AKAP6: variants seen among roughly 807,000 people sequenced by gnomAD.
AKAP6 encodes the protein A-kinase anchoring protein 6, also known as A-kinase anchor protein 6.
A neutral mutation model predicts 188.5 loss-of-function variants in AKAP6; 58 were observed. That is an observed-to-expected ratio of 0.31 (90% CI 0.25 to 0.38). The LOEUF is 0.38. AKAP6 is among the 10% of genes least tolerant of loss of function. The probability of loss-of-function intolerance (pLI) is 1.00; values close to 1 mark genes in which losing one functional copy is unlikely to be tolerated. For synonymous variants in AKAP6, 989 were observed against 998.6 expected, an observed-to-expected ratio of 0.99 and a Z score of 0.18; for missense variants, 2,710 against 2,740.0, an observed-to-expected ratio of 0.99 and a Z score of 0.24.
intron 11 of AKAP6, among the ~76,000 whole-genome samples, chr14:32,768,749 GT>G (rs2032794254): frequency 6.6e-6 from 1 of 152,074 alleles, no homozygotes; most frequent in African/African-American, 2.4e-5. Flanking sequence ...GTAGACTAGT[GT>G]TCTCAAACTT....
At chr14:32,332,752 G>A (rs1193536892) in intron 1 of AKAP6, among the ~76,000 whole-genome samples, 1 of 152,102 alleles carries the variant, frequency 6.6e-6, no homozygotes, top group East Asian at 1.9e-4. Flanking sequence ...TCTGGAAAGT[G>A]TAATCTGAAT....
At chr14:32,380,303 G>A (rs577987038) in intron 1 of AKAP6, among the ~76,000 whole-genome samples, 6 of 152,220 alleles carry the variant, frequency 3.9e-5, no homozygotes, top group South Asian at 4.1e-4. Context: ...CCGGCCCCCC[G>A]TTCTTTCCTT....
chr14:32,472,027 TG>T (rs1878810718), intron 2 of AKAP6, among the ~76,000 whole-genome samples: 1 of 152,196 alleles, frequency 6.6e-6, no homozygotes, highest in African/African-American at 2.4e-5. Context: ...TGTCATAGTT[TG>T]GGTTCCCAGG....
chr14:32,787,313 G>A (rs75556800), intron 12 of AKAP6, among the ~76,000 whole-genome samples: 2,605 of 152,260 alleles, frequency 0.017, 71 homozygotes, highest in African/African-American at 0.059. Flanking sequence ...TTAATCTGAC[G>A]AATGATTTCA....
chr14:32,360,451 A>G (rs1887620892), intron 1 of AKAP6, among the ~76,000 whole-genome samples: 1 of 152,036 alleles, frequency 6.6e-6, no homozygotes, highest in Admixed American at 6.6e-5. Flanking sequence ...TAAAAATTTT[A>G]CCCATTGATT....
chr14:32,493,486 C>T (rs1410504552), intron 2 of AKAP6, among the ~76,000 whole-genome samples: 2 of 152,134 alleles, frequency 1.3e-5, no homozygotes, highest in African/African-American at 4.8e-5. Context: ...GCTTGGATTA[C>T]AGGTGTGAGC....
At chr14:32,360,462 G>T (rs1488513966) in intron 1 of AKAP6, among the ~76,000 whole-genome samples, 1 of 152,182 alleles carries the variant, frequency 6.6e-6, no homozygotes, top group East Asian at 1.9e-4. Context: ...CCCATTGATT[G>T]TAGCATTCAT....
intron 12 of AKAP6, among the ~76,000 whole-genome samples, chr14:32,811,287 AT>A (rs1304011730): frequency 6.6e-6 from 1 of 151,250 alleles, no homozygotes; most frequent in Non-Finnish European, 1.5e-5. Flanking sequence ...AATGTGTGCC[AT>A]TTTTGGTCAT....
At chr14:32,381,912 G>C (rs1888375355) in intron 1 of AKAP6, among the ~76,000 whole-genome samples, 1 of 151,986 alleles carries the variant, frequency 6.6e-6, no homozygotes, top group African/African-American at 2.4e-5. Flanking sequence ...CAGGTCCAAA[G>C]TACTACTCAC....
At chr14:32,658,042 T>C (rs1386932630) in intron 7 of AKAP6, among the ~76,000 whole-genome samples, 1 of 152,120 alleles carries the variant, frequency 6.6e-6, no homozygotes, top group Admixed American at 6.6e-5. Context: ...GTAGATTGTT[T>C]TAAAAATGAA....
At chr14:32,607,086 G>A (rs2139370494) in intron 7 of AKAP6, among the ~76,000 whole-genome samples, 1 of 152,272 alleles carries the variant, frequency 6.6e-6, no homozygotes, top group South Asian at 2.1e-4. Flanking sequence ...TTTAACTGAA[G>A]GGGTATAAAG....
intron 1 of AKAP6, among the ~76,000 whole-genome samples, chr14:32,381,233 G>A (rs192874671): frequency 3.3e-5 from 5 of 152,112 alleles, no homozygotes; most frequent in East Asian, 3.9e-4. Flanking sequence ...CCAGCTACTC[G>A]GGAGGCTAAG....
chr14:32,368,952 G>T (rs942365566), intron 1 of AKAP6, among the ~76,000 whole-genome samples: 1 of 152,016 alleles, frequency 6.6e-6, no homozygotes, highest in East Asian at 1.9e-4. Flanking sequence ...AGTGTTAAGT[G>T]GGGGAGTGAT....
intron 10 of AKAP6, 115 bp downstream of exon 10, chr14:32,732,715 T>C (rs889734002): frequency 2.5e-6 from 3 of 1,208,046 alleles, no homozygotes; most frequent in Non-Finnish European, 3.6e-6. Context: ...ATTCACTACC[T>C]ACGTTTCAAA....
chr14:32,555,790 T>C (rs1353363249), intron 4 of AKAP6, among the ~76,000 whole-genome samples: 2 of 152,220 alleles, frequency 1.3e-5, no homozygotes, highest in Non-Finnish European at 2.9e-5. Context: ...TTTTTAGGGC[T>C]GAATAATATT....
Position 32,756,224 on chromosome 14 carries a change from G to A in AKAP6, c.3373-17454G>A, listed in dbSNP as rs530546811. Among the ~76,000 whole-genome samples, 63 of 152,292 alleles carry A rather than the reference G, an allele frequency of 4.1e-4. No homozygotes were observed. The South Asian group carries it at 0.012, about 29-fold the overall frequency. On this transcript the variant is annotated intron_variant, in intron 11 of 13. Coordinates refer to ENST00000280979, the MANE Select transcript of AKAP6 (RefSeq NM_004274.5). The stretch of plus-strand genomic sequence containing the variant: ...TGAAGCTTGTGTCTGTGGTGGCTGG[G>A]TGCAGCCAGGGTTCTCTAGTGTCAA...
In AKAP6 at chr14:32,425,267, T is replaced by C. The variant is rs138193985; in HGVS notation, c.-34-8193T>C. On this transcript the variant is annotated intron_variant, in intron 1 of 13. Coordinates refer to ENST00000280979, the MANE Select transcript of AKAP6 (RefSeq NM_004274.5). ...CAGTGATGTTGAGCTTTTTTTCATA[T>C]GATTGTTGGCCACATGTATACCTTC... Among the ~76,000 whole-genome samples the C allele has an allele frequency of 8.5e-4, 130 of 152,326 alleles. 2 individuals are homozygous for C. In the East Asian group the frequency reaches 0.021, roughly 24 times the overall value.
At chr14:32,752,688 C>T (rs1168548631) in intron 11 of AKAP6, among the ~76,000 whole-genome samples, 2 of 152,158 alleles carry the variant, frequency 1.3e-5, no homozygotes, top group Admixed American at 1.3e-4. Context: ...CTGTCACCCC[C>T]ATCCCCTAGC....
At chr14:32,717,856 T>G (rs1191846454) in intron 9 of AKAP6, among the ~76,000 whole-genome samples, 1 of 152,132 alleles carries the variant, frequency 6.6e-6, no homozygotes, top group Non-Finnish European at 1.5e-5. Flanking sequence ...CTCTCCTATC[T>G]GCCCTTTTAG....
Sources: allele counts gnomAD v4.1 joint callset (sites outside exome capture counted in the v4.1 genomes callset), GRCh38; gene constraint gnomAD v4.1.1; transcripts MANE v1.5; gene names NCBI Gene and HGNC (gene_info 2026-07-23, HGNC 2026-07-21).